Variants in PIP5K1B observed in about 807,000 individuals in gnomAD.
PIP5K1B encodes the protein phosphatidylinositol 4-phosphate 5-kinase type-1 beta.
Under a neutral mutation model 67.0 loss-of-function variants are expected in PIP5K1B, and 42 were observed. The ratio of observed to expected loss-of-function variants is 0.63; its 90% CI spans 0.49 to 0.81. The LOEUF (loss-of-function observed/expected upper bound fraction) is 0.81, where lower values mean the gene tolerates loss of function less well. Ranked by LOEUF, PIP5K1B falls within the 30% of genes least tolerant of loss-of-function variation. The pLI, the probability that PIP5K1B is intolerant of heterozygous loss-of-function variation, is 0.00. For missense variants in PIP5K1B, 459 were observed against 646.3 expected, an observed-to-expected ratio of 0.71 and a Z score of 3.14; for synonymous variants, 214 against 231.4, an observed-to-expected ratio of 0.92 and a Z score of 0.68.
At chr9:68,715,461 C>A (rs983932734) in intron 1 of PIP5K1B, among the ~76,000 whole-genome samples, 2 of 152,154 alleles carry the variant, frequency 1.3e-5, no homozygotes, top group Admixed American at 1.3e-4. Flanking sequence ...CTCGTTGCCC[C>A]CTTTGGAATG....
At chr9:68,976,934 G>T (rs1233396583) in intron 14 of PIP5K1B, among the ~76,000 whole-genome samples, 1 of 152,130 alleles carries the variant, frequency 6.6e-6, no homozygotes, top group Non-Finnish European at 1.5e-5. Context: ...TGATTCAAAA[G>T]GTCCCAATTC....
chr9:68,844,393 G>A (rs566032410), intron 4 of PIP5K1B, among the ~76,000 whole-genome samples: 25 of 152,308 alleles, frequency 1.6e-4, no homozygotes, highest in Non-Finnish European at 3.7e-4. Context: ...CCTCTATTGA[G>A]CAATCAACTA....
rs527541260 is a variant in PIP5K1B at position 68,727,493 on chromosome 9, A to C, written c.-242-15008A>C. 2.6e-5 allele frequency: 4 copies of C among 152,294 alleles called. No individual in the cohort carries two copies. In the East Asian group the frequency reaches 7.7e-4, roughly 29 times the overall value. 9.4% of individuals were successfully genotyped at this position (152,294 alleles called of 1,614,324 possible). A position where few individuals can be genotyped will look rare whatever the true frequency, so the allele number is the denominator to read the frequency against. On this transcript the variant is annotated intron_variant, in intron 1 of 15. Coordinates refer to ENST00000265382, the MANE Select transcript of PIP5K1B (RefSeq NM_003558.4). ...ATAATATAAAATAAAGAATATGGGG[A>C]AGTGGTCTATGTTTAGAGTTATATA...
chr9:68,808,503 G>A (rs947675914), intron 2 of PIP5K1B, among the ~76,000 whole-genome samples: 5 of 152,186 alleles, frequency 3.3e-5, no homozygotes, highest in African/African-American at 1.2e-4. Context: ...TGCAGTAGCA[G>A]TGTTTTTCAT....
intron 1 of PIP5K1B, among the ~76,000 whole-genome samples, chr9:68,733,930 G>T (rs994248672): frequency 6.6e-6 from 1 of 152,026 alleles, no homozygotes; most frequent in African/African-American, 2.4e-5. Flanking sequence ...GAGCCACTGT[G>T]CCCGGCAATA....
chr9:68,783,835 C>G (rs577687714), intron 2 of PIP5K1B: 53 of 167,202 alleles, frequency 3.2e-4, no homozygotes, highest in Admixed American at 9.8e-4. Context: ...CAACTAGAGT[C>G]ATTCTTTTAA....
intron 5 of PIP5K1B, among the ~76,000 whole-genome samples, chr9:68,868,207 CA>C (rs1175010414): frequency 2.0e-5 from 3 of 152,034 alleles, no homozygotes; most frequent in Non-Finnish European, 4.4e-5. Flanking sequence ...GTGTTGGGAT[CA>C]GAAGCTCAAG....
chr9:68,955,458 C>G (rs1828336416), intron 14 of PIP5K1B, among the ~76,000 whole-genome samples: 1 of 152,244 alleles, frequency 6.6e-6, no homozygotes, highest in Admixed American at 6.5e-5. Flanking sequence ...GTGTGTCATT[C>G]TGTGGTTAAG....
chr9:68,929,192 G>GTGACTGC (rs1826865908), intron 12 of PIP5K1B, among the ~76,000 whole-genome samples: 1 of 150,838 alleles, frequency 6.6e-6, no homozygotes, highest in Non-Finnish European at 1.5e-5. Context: ...AAAAAGTAAG[G>GTGACTGC]TGACTGCTGT....
intron 4 of PIP5K1B, among the ~76,000 whole-genome samples, chr9:68,832,065 T>A (rs1834355022): frequency 6.6e-6 from 1 of 152,240 alleles, no homozygotes; most frequent in Non-Finnish European, 1.5e-5. Context: ...GAACACAGAA[T>A]CTGAACTGTA....
At chr9:68,854,127 CT>C (rs36079285) in intron 4 of PIP5K1B, among the ~76,000 whole-genome samples, 47,068 of 106,936 alleles carry the variant, frequency 0.44, 7,559 homozygotes, top group Middle Eastern at 0.51. Context: ...AAACAGAAAA[CT>C]TTTTTTTTTT....
intron 2 of PIP5K1B, among the ~76,000 whole-genome samples, chr9:68,806,336 T>C (rs1832869080): frequency 6.6e-6 from 1 of 152,228 alleles, no homozygotes; most frequent in African/African-American, 2.4e-5. Context: ...GACAGTGTTT[T>C]TGTTGTAAAC....
chr9:68,972,727 CCTTTA>C (rs1376882807), intron 14 of PIP5K1B, among the ~76,000 whole-genome samples: 1 of 152,060 alleles, frequency 6.6e-6, no homozygotes, highest in African/African-American at 2.4e-5. Flanking sequence ...GGTTGTTAAG[CCTTTA>C]CTTGTACACA....
chr9:68,731,876 GA>G (rs1828449876), intron 1 of PIP5K1B, among the ~76,000 whole-genome samples: 1 of 152,198 alleles, frequency 6.6e-6, no homozygotes, highest in African/African-American at 2.4e-5. Context: ...GTTTACTTTT[GA>G]AAACTGCCTA....
chr9:68,907,606 C>T (rs1432732892), intron 8 of PIP5K1B, among the ~76,000 whole-genome samples: 1 of 152,056 alleles, frequency 6.6e-6, no homozygotes, highest in Non-Finnish European at 1.5e-5. Context: ...TTTCCCGGGC[C>T]TCAGATTTTT....
chr9:68,956,572 T>A (rs1369079502), intron 14 of PIP5K1B, among the ~76,000 whole-genome samples: 1 of 152,252 alleles, frequency 6.6e-6, no homozygotes, highest in Non-Finnish European at 1.5e-5. Context: ...ACGAGTTAAA[T>A]AGCAAATAGT....
chr9:68,969,858 A>C (rs947001030), intron 14 of PIP5K1B, among the ~76,000 whole-genome samples: 2 of 152,236 alleles, frequency 1.3e-5, no homozygotes, highest in Admixed American at 6.5e-5. Context: ...GTTCAGAAGA[A>C]CAAAAGAGAA....
chr9:68,915,799 G>A (rs115967313), intron 8 of PIP5K1B, among the ~76,000 whole-genome samples: 114 of 152,316 alleles, frequency 7.5e-4, no homozygotes, highest in African/African-American at 2.7e-3. Flanking sequence ...AAGATGAAGT[G>A]TGAACCCTCT....
chr9:68,913,583 T>TA, intron 8 of PIP5K1B, among the ~76,000 whole-genome samples: 1 of 152,398 alleles, frequency 6.6e-6, no homozygotes, highest in Admixed American at 6.5e-5. Flanking sequence ...TAATTTGTTT[T>TA]AAAATATATG....
Sources: gnomAD v4.1 joint callset for allele counts (sites outside exome capture counted in the v4.1 genomes callset) on GRCh38, gnomAD v4.1.1 for gene constraint, MANE v1.5 for transcripts, NCBI Gene and HGNC (gene_info 2026-07-23, HGNC 2026-07-21) for gene names.